Variants in CDH18 observed in about 807,000 individuals in gnomAD.
The protein encoded by CDH18 is cadherin 18.
In CDH18, 31 loss-of-function variants were observed where a neutral mutation model predicts 67.9. The ratio of observed to expected loss-of-function variants is 0.46; its 90% CI spans 0.34 to 0.62. The LOEUF is 0.62. Ranked by LOEUF, CDH18 falls within the 20% of genes least tolerant of loss-of-function variation. The pLI, the probability that CDH18 is intolerant of heterozygous loss-of-function variation, is 0.01. For synonymous variants in CDH18, 362 were observed against 347.2 expected (o/e 1.04, Z -0.48); for missense variants, 890 against 975.5 (o/e 0.91, Z 1.17).
At chr5:19,687,817 C>T (rs1761319069) in intron 5 of CDH18, among the ~76,000 whole-genome samples, 1 of 152,206 alleles carries the variant, frequency 6.6e-6, no homozygotes. Flanking sequence ...TCACACATTC[C>T]CTGATAACAG....
At chr5:20,552,302 C>G (rs1334859984) in intron 1 of CDH18, among the ~76,000 whole-genome samples, 1 of 151,974 alleles carries the variant, frequency 6.6e-6, no homozygotes, top group Non-Finnish European at 1.5e-5. Context: ...CATGGTAAAA[C>G]CTCGTCTCTA....
At chr5:19,505,062 C>A (rs899082170) in intron 10 of CDH18, among the ~76,000 whole-genome samples, 2 of 151,990 alleles carry the variant, frequency 1.3e-5, no homozygotes, top group Non-Finnish European at 2.9e-5. Flanking sequence ...GCATCTTTTT[C>A]ACTTTTTTAC....
chr5:19,473,733 A>AAAGGATG lies in CDH18; in HGVS notation c.1883-24_1883-18dup, dbSNP rs1561134842. The AAAGGATG allele has an allele frequency of 4.5e-6, 7 of 1,561,860 alleles. No homozygotes were observed. The highest frequency in any genetic ancestry group is 6.1e-6 in the Non-Finnish European group (7 of 1,155,754). ...CCACAATTGCTGAGGAAGAATGGAA[A>AAAGGATG]AAGGATGAAGAATTAAGAAAACAGG... On this transcript the variant is annotated splice_polypyrimidine_tract_variant and intron_variant, in intron 12 of 12. Transcript: ENST00000382275.
chr5:19,797,130 C>A (rs942224108), intron 3 of CDH18, among the ~76,000 whole-genome samples: 1 of 151,754 alleles, frequency 6.6e-6, no homozygotes, highest in Non-Finnish European at 1.5e-5. Context: ...CAACTGTATG[C>A]TGCTTTTAAA....
intron 1 of CDH18, among the ~76,000 whole-genome samples, chr5:20,437,404 AT>A (rs34787897): frequency 6.6e-6 from 1 of 151,374 alleles, no homozygotes; most frequent in African/African-American, 2.4e-5. Context: ...CAGAGAAATT[AT>A]TTCATGATCT....
At chr5:20,534,799 C>G (rs1756619006) in intron 1 of CDH18, among the ~76,000 whole-genome samples, 1 of 151,210 alleles carries the variant, frequency 6.6e-6, no homozygotes, top group Non-Finnish European at 1.5e-5. Flanking sequence ...TTACTGACTT[C>G]TGAACTCTGT....
intron 11 of CDH18, among the ~76,000 whole-genome samples, chr5:19,485,553 C>T (rs1740260001): frequency 1.3e-5 from 2 of 152,094 alleles, no homozygotes; most frequent in African/African-American, 4.8e-5. Flanking sequence ...CTGCGCCTGG[C>T]CAGCTGTCTA....
intron 1 of CDH18, among the ~76,000 whole-genome samples, chr5:20,262,261 T>C (rs1200874957): frequency 6.6e-6 from 1 of 152,226 alleles, no homozygotes; most frequent in Non-Finnish European, 1.5e-5. Context: ...GCTAATGAGA[T>C]GTGCTAATTA....
At chr5:19,538,151 T>C (rs1580085295) in intron 9 of CDH18, among the ~76,000 whole-genome samples, 1 of 152,254 alleles carries the variant, frequency 6.6e-6, no homozygotes, top group Non-Finnish European at 1.5e-5. Context: ...GCATGTAAGT[T>C]TGAAGGAAAG....
intron 2 of CDH18, among the ~76,000 whole-genome samples, chr5:20,067,670 T>C (rs766607831): frequency 7.2e-5 from 11 of 152,110 alleles, no homozygotes; most frequent in Admixed American, 2.0e-4. Context: ...TAGTTGATTT[T>C]AATTAAATGA....
At chr5:19,482,202 G>A (rs1422869528) in intron 12 of CDH18, among the ~76,000 whole-genome samples, 1 of 151,754 alleles carries the variant, frequency 6.6e-6, no homozygotes, top group Non-Finnish European at 1.5e-5. Flanking sequence ...TGCCAGCTCC[G>A]CCTCCCAGGT....
At chr5:20,337,890 A>T (rs776631726) in intron 1 of CDH18, among the ~76,000 whole-genome samples, 4 of 152,242 alleles carry the variant, frequency 2.6e-5, no homozygotes, top group Non-Finnish European at 5.9e-5. Flanking sequence ...TTGCACTTAC[A>T]GTTCCACGTG....
At chr5:19,712,620 G>GT (rs1764838754) in intron 5 of CDH18, among the ~76,000 whole-genome samples, 1 of 147,314 alleles carries the variant, frequency 6.8e-6, no homozygotes, top group Non-Finnish European at 1.5e-5. Context: ...AAATATAGAA[G>GT]TAAGTATGAG....
At chr5:20,519,245 A>G (rs1755571507) in intron 1 of CDH18, among the ~76,000 whole-genome samples, 1 of 152,196 alleles carries the variant, frequency 6.6e-6, no homozygotes, top group Admixed American at 6.5e-5. Flanking sequence ...AATAGACTGG[A>G]TTAAGAAAAT....
In CDH18 at chr5:20,305,229, T is replaced by C. The variant is rs1040869675; in HGVS notation, c.-579-49724A>G. Reference sequence around the variant, plus strand: ...GCTTCCCTCCAGCACCACTACCAAATCCAGGAAACCGTCCTCCTCCAGAAG... The same window carrying C: ...GCTTCCCTCCAGCACCACTACCAAACCCAGGAAACCGTCCTCCTCCAGAAG... On this transcript the variant is annotated intron_variant, in intron 1 of 14. Transcript: ENST00000507958. 2.9e-6 allele frequency: 4 copies of C among 1,380,796 alleles called. No homozygotes were observed. In the African/African-American group the frequency reaches 4.3e-5, roughly 15 times the overall value. 85.5% of individuals were successfully genotyped at this position (1,380,796 alleles called of 1,614,324 possible).
At chr5:20,026,926 C>T (rs533553502) in intron 2 of CDH18, among the ~76,000 whole-genome samples, 1 of 151,304 alleles carries the variant, frequency 6.6e-6, no homozygotes, top group East Asian at 1.9e-4. Context: ...CACTGCACTC[C>T]AGTCTGGGTG....
At chr5:19,990,104 A>T (rs1256295010), upstream of CDH18, among the ~76,000 whole-genome samples, 1 of 152,204 alleles carries the variant, frequency 6.6e-6, no homozygotes, top group East Asian at 1.9e-4. Flanking sequence ...AAGAGGTATG[A>T]GAGAATACAT....
chr5:20,269,075 A>G (rs1213677454), intron 1 of CDH18, among the ~76,000 whole-genome samples: 2 of 152,144 alleles, frequency 1.3e-5, no homozygotes, highest in African/African-American at 4.8e-5. Flanking sequence ...GCAAAGGATA[A>G]GAATAGATAT....
intron 5 of CDH18, among the ~76,000 whole-genome samples, chr5:19,616,810 C>G (rs1749909679): frequency 6.6e-6 from 1 of 152,124 alleles, no homozygotes; most frequent in Admixed American, 6.6e-5. Flanking sequence ...ATCGAGGTAC[C>G]AGATGATTTT....
Sources: allele counts gnomAD v4.1 joint callset (sites outside exome capture counted in the v4.1 genomes callset), GRCh38; gene constraint gnomAD v4.1.1; transcripts MANE v1.5; gene names NCBI Gene and HGNC (gene_info 2026-07-23, HGNC 2026-07-21).